The following IMMP2L variants were observed in gnomAD, a reference collection of about 807,000 sequenced individuals.
IMMP2L encodes inner mitochondrial membrane peptidase subunit 2.
In IMMP2L, 18 loss-of-function variants were observed where a neutral mutation model predicts 19.3. The ratio of observed to expected loss-of-function variants is 0.93; its 90% CI spans 0.64 to 1.38. IMMP2L has a LOEUF of 1.38. Among genes scored for constraint, IMMP2L ranks in the 40% most tolerant of loss-of-function variants. The probability of loss-of-function intolerance (pLI) is 0.00; values close to 1 mark genes in which losing one functional copy is unlikely to be tolerated. For synonymous variants in IMMP2L, 76 were observed against 73.0 expected, an observed-to-expected ratio of 1.04 and a Z score of -0.21; for missense variants, 233 against 218.2, an observed-to-expected ratio of 1.07 and a Z score of -0.43.
chr7:110,695,883 G>A (rs2130588967), intron 5 of IMMP2L, among the ~76,000 whole-genome samples: 1 of 152,308 alleles, frequency 6.6e-6, no homozygotes, highest in African/African-American at 2.4e-5. Context: ...GACATATGCT[G>A]TGGGAACTGC....
intron 3 of IMMP2L, among the ~76,000 whole-genome samples, chr7:111,336,109 G>C (rs529217223): frequency 6.6e-6 from 1 of 152,172 alleles, no homozygotes; most frequent in African/African-American, 2.4e-5. Context: ...GAGGGCAGAG[G>C]CACAATGTTG....
chr7:110,852,245 T>G lies in IMMP2L; in HGVS notation c.408+34348A>C, dbSNP rs76261406. 6.9e-4 allele frequency among the ~76,000 whole-genome samples: 87 copies of G among 126,796 alleles called. No homozygotes were observed. The East Asian group carries it at 0.012, about 17-fold the overall frequency. The allele number at this position is 126,796 out of a possible 152,430, so 83.2% of individuals were successfully genotyped here. A position where few individuals can be genotyped will look rare whatever the true frequency, so the allele number is the denominator to read the frequency against. On this transcript the variant is annotated intron_variant, in intron 5 of 5. Transcript: ENST00000405709. ...GGATGGATGGATGGATGGATGGATG[T>G]ATACACATATATAGCCATAAACATC...
intron 3 of IMMP2L, among the ~76,000 whole-genome samples, chr7:111,288,565 A>C (rs1310435263): frequency 1.3e-5 from 2 of 152,194 alleles, no homozygotes; most frequent in Non-Finnish European, 2.9e-5. Context: ...AAAGAACTTA[A>C]ACAAATTTAC....
chr7:111,504,077 G>T lies in IMMP2L; in HGVS notation c.136-16736C>A, dbSNP rs1023143395. On this transcript the variant is annotated intron_variant, in intron 2 of 5. Coordinates refer to ENST00000405709, the MANE Select transcript of IMMP2L (RefSeq NM_032549.4). ...GATTGTATATCTAGAAAACCCTATTGTCTCAGCCCAAAATCTCCTTAAGCT... is the reference window on the plus strand; with the variant it reads ...GATTGTATATCTAGAAAACCCTATTTTCTCAGCCCAAAATCTCCTTAAGCT... Among the ~76,000 whole-genome samples, 20 of 152,218 alleles carry T rather than the reference G, an allele frequency of 1.3e-4. No individual in the cohort carries two copies. The South Asian group carries it at 2.1e-3, about 16-fold the overall frequency.
intron 5 of IMMP2L, among the ~76,000 whole-genome samples, chr7:110,780,303 A>T (rs115987684): frequency 6.6e-6 from 1 of 151,062 alleles, no homozygotes; most frequent in Non-Finnish European, 1.5e-5. Context: ...TATATACTAG[A>T]TAGAAAAAGG....
chr7:111,503,211 A>G (rs540390579), intron 2 of IMMP2L, among the ~76,000 whole-genome samples: 84 of 152,310 alleles, frequency 5.5e-4, no homozygotes, highest in Non-Finnish European at 1.0e-3. Context: ...AAATAACTAG[A>G]AAATCTAGAA....
chr7:110,898,415 G>A (rs1456548156), intron 4 of IMMP2L, among the ~76,000 whole-genome samples: 2 of 152,032 alleles, frequency 1.3e-5, no homozygotes, highest in Non-Finnish European at 1.5e-5. Flanking sequence ...GTTGCTAAGG[G>A]CCCTCAACTG....
At chr7:110,965,675 T>C (rs901593347) in intron 3 of IMMP2L, among the ~76,000 whole-genome samples, 2 of 151,936 alleles carry the variant, frequency 1.3e-5, no homozygotes, top group Non-Finnish European at 2.9e-5. Context: ...CCCTCCCATG[T>C]CTCCTATTTT....
In IMMP2L at chr7:110,758,259, A is replaced by G. The variant is rs1798147490; in HGVS notation, c.409-94538T>C. Among the ~76,000 whole-genome samples the G allele has an allele frequency of 6.6e-6, 1 of 152,086 alleles. No homozygotes were observed. Among genetic ancestry groups the G allele is most frequent in the Non-Finnish European group, 1.5e-5 (1 of 68,020 alleles). On this transcript the variant is annotated intron_variant, in intron 5 of 5. Coordinates refer to ENST00000405709, the MANE Select transcript of IMMP2L (RefSeq NM_032549.4). The surrounding 1 kb of genome is among the most constrained non-coding windows in gnomAD (Gnocchi z 4.6). ...TGAAAATCTGACTGGAGTGGACTTA[A>G]GAGAATGGGAGGAGAAAAAACACCA...
intron 5 of IMMP2L, among the ~76,000 whole-genome samples, chr7:110,839,479 G>T (rs12531640): frequency 0.11 from 16,953 of 151,986 alleles, 1,148 homozygotes; most frequent in South Asian, 0.26. Context: ...ACAAGAGAAT[G>T]TTGAGTATGT....
chr7:111,259,516 G>A (rs1817081212), intron 3 of IMMP2L, among the ~76,000 whole-genome samples: 1 of 152,032 alleles, frequency 6.6e-6, no homozygotes, highest in Non-Finnish European at 1.5e-5. Flanking sequence ...GCACATGCCT[G>A]TAGTCCTAGC....
At chr7:111,283,812 A>T (rs1038351793) in intron 3 of IMMP2L, among the ~76,000 whole-genome samples, 14 of 151,314 alleles carry the variant, frequency 9.3e-5, no homozygotes, top group Non-Finnish European at 1.8e-4. Context: ...TCTACTAAAA[A>T]TACAAAAAAT....
At chr7:110,822,493 C>T (rs1458092687) in intron 5 of IMMP2L, among the ~76,000 whole-genome samples, 1 of 152,094 alleles carries the variant, frequency 6.6e-6, no homozygotes, top group Non-Finnish European at 1.5e-5. Flanking sequence ...GCTGTAAACA[C>T]CTCCTTATCC....
intron 3 of IMMP2L, among the ~76,000 whole-genome samples, chr7:110,970,146 G>T (rs1322645375): frequency 1.3e-5 from 2 of 152,030 alleles, no homozygotes; most frequent in Non-Finnish European, 2.9e-5. Context: ...TTGTATTTAT[G>T]ACTCTAACTT....
At chr7:111,111,410 C>G (rs570398255) in intron 3 of IMMP2L, among the ~76,000 whole-genome samples, 4 of 148,596 alleles carry the variant, frequency 2.7e-5, no homozygotes, top group East Asian at 4.0e-4. Flanking sequence ...CATCCCCCCC[C>G]AAAAAAAAAT....
chr7:110,702,276 G>A (rs537314134), intron 5 of IMMP2L, among the ~76,000 whole-genome samples: 17 of 152,128 alleles, frequency 1.1e-4, no homozygotes, highest in African/African-American at 4.1e-4. Flanking sequence ...TCGCACTTGT[G>A]ACAAATTTGG....
intron 3 of IMMP2L, among the ~76,000 whole-genome samples, chr7:111,031,227 A>T (rs1285089108): frequency 6.6e-6 from 1 of 152,012 alleles, no homozygotes; most frequent in Non-Finnish European, 1.5e-5. Context: ...AGTAGCAATG[A>T]GCATACCTAG....
intron 3 of IMMP2L, among the ~76,000 whole-genome samples, chr7:111,419,246 T>A (rs1375454185): frequency 6.6e-6 from 1 of 151,870 alleles, no homozygotes; most frequent in African/African-American, 2.4e-5. Context: ...TTTTATTAAA[T>A]ACATTAAAGA....
At chr7:110,680,661 GC>G (rs998002135) in intron 5 of IMMP2L, among the ~76,000 whole-genome samples, 45 of 152,264 alleles carry the variant, frequency 3.0e-4, no homozygotes, top group African/African-American at 1.1e-3. Flanking sequence ...AATAATGGCT[GC>G]CTGTCTGTCC....
Sources: allele counts gnomAD v4.1 joint callset (sites outside exome capture counted in the v4.1 genomes callset), GRCh38; gene constraint gnomAD v4.1.1; non-coding constraint Gnocchi (gnomAD v3.1); transcripts MANE v1.5; gene names NCBI Gene and HGNC (gene_info 2026-07-23, HGNC 2026-07-21).